Variants in GABRB1 observed in about 807,000 individuals in gnomAD.
GABRB1 encodes gamma-aminobutyric acid type A receptor subunit beta1.
A neutral mutation model predicts 51.6 loss-of-function variants in GABRB1; 17 were observed. The observed-to-expected ratio is 0.33, with a 90% confidence interval of 0.23 to 0.49. GABRB1 has a LOEUF of 0.49. Among genes scored for constraint, GABRB1 ranks in the 20% least tolerant of loss-of-function variants. The pLI is 0.99. For synonymous variants in GABRB1, 247 were observed against 218.9 expected, an observed-to-expected ratio of 1.13 and a Z score of -1.14; for missense variants, 410 against 600.6, an observed-to-expected ratio of 0.68 and a Z score of 3.32.
At chr4:47,047,295 A>G (rs1345464549) in intron 3 of GABRB1, among the ~76,000 whole-genome samples, 1 of 152,176 alleles carries the variant, frequency 6.6e-6, no homozygotes, top group Non-Finnish European at 1.5e-5. Flanking sequence ...AGTCTTGATA[A>G]TGATAACAGA....
intron 5 of GABRB1, among the ~76,000 whole-genome samples, chr4:47,377,965 G>T (rs560685830): frequency 6.6e-6 from 1 of 152,378 alleles, no homozygotes; most frequent in South Asian, 2.1e-4. Flanking sequence ...AGACTCAGGA[G>T]CCCAGCTGGC....
At chr4:47,247,172 C>T (rs892024327) in intron 4 of GABRB1, among the ~76,000 whole-genome samples, 1 of 151,974 alleles carries the variant, frequency 6.6e-6, no homozygotes, top group African/African-American at 2.4e-5. Context: ...GATTTAAGTC[C>T]TTAATCCATC....
intron 4 of GABRB1, among the ~76,000 whole-genome samples, chr4:47,217,120 A>G (rs1578008864): frequency 6.6e-6 from 1 of 151,904 alleles, no homozygotes; most frequent in Admixed American, 6.6e-5. Flanking sequence ...ACTTTAAAAC[A>G]TTGGATAATA....
At chr4:47,252,621 C>T (rs1045655965) in intron 4 of GABRB1, among the ~76,000 whole-genome samples, 6 of 146,476 alleles carry the variant, frequency 4.1e-5, no homozygotes, top group Admixed American at 2.8e-4. Context: ...GATTCTTCTG[C>T]CTCAGCCTCC....
intron 3 of GABRB1, among the ~76,000 whole-genome samples, chr4:47,141,752 T>C (rs1017989226): frequency 1.3e-5 from 2 of 151,970 alleles, no homozygotes; most frequent in African/African-American, 4.8e-5. Context: ...TAGAGATTCA[T>C]GCCACTCACT....
At chr4:47,153,879 G>A (rs1458309435) in intron 3 of GABRB1, among the ~76,000 whole-genome samples, 1 of 151,966 alleles carries the variant, frequency 6.6e-6, no homozygotes, top group Non-Finnish European at 1.5e-5. Flanking sequence ...GCACACACTA[G>A]GCTACAGCTG....
At chr4:47,371,811 T>C (rs971957476) in intron 5 of GABRB1, among the ~76,000 whole-genome samples, 1 of 152,218 alleles carries the variant, frequency 6.6e-6, no homozygotes, top group Non-Finnish European at 1.5e-5. Flanking sequence ...TAAATTTGTT[T>C]AAGTTCCTTG....
intron 4 of GABRB1, among the ~76,000 whole-genome samples, chr4:47,254,333 T>C (rs1459000093): frequency 1.3e-5 from 2 of 150,306 alleles, no homozygotes; most frequent in Non-Finnish European, 3.0e-5. Context: ...TCCTGGAATA[T>C]ACATGGTGGA....
At chr4:47,286,235 A>T (rs1723504625) in intron 4 of GABRB1, among the ~76,000 whole-genome samples, 1 of 152,190 alleles carries the variant, frequency 6.6e-6, no homozygotes, top group African/African-American at 2.4e-5. Flanking sequence ...AACATGTTAC[A>T]ACTTCCCTGA....
intron 3 of GABRB1, among the ~76,000 whole-genome samples, chr4:47,100,472 T>C (rs570866046): frequency 2.0e-5 from 3 of 152,038 alleles, no homozygotes; most frequent in African/African-American, 7.2e-5. Context: ...TTTTGATTAC[T>C]GTATATACAA....
intron 4 of GABRB1, among the ~76,000 whole-genome samples, chr4:47,221,542 T>C (rs568968855): frequency 2.0e-5 from 3 of 152,074 alleles, no homozygotes; most frequent in Admixed American, 6.6e-5. Context: ...TGAAATAATA[T>C]AGGCATACTG....
intron 4 of GABRB1, among the ~76,000 whole-genome samples, chr4:47,212,842 A>G (rs1050881241): frequency 2.6e-5 from 4 of 152,186 alleles, no homozygotes; most frequent in African/African-American, 9.7e-5. Flanking sequence ...AATATCCCCC[A>G]ACAATCCCTC....
chr4:47,166,341 T>G (rs1477853659), intron 4 of GABRB1, among the ~76,000 whole-genome samples: 1 of 152,024 alleles, frequency 6.6e-6, no homozygotes, highest in African/African-American at 2.4e-5. Flanking sequence ...CATCCACTTC[T>G]GCCACCCCTG....
chr4:47,135,828 A>G (rs1010312590), intron 3 of GABRB1, among the ~76,000 whole-genome samples: 6 of 152,152 alleles, frequency 3.9e-5, no homozygotes, highest in African/African-American at 1.4e-4. Context: ...AATAATACAG[A>G]CATATTTACT....
chr4:47,291,118 AG>A (rs1207522013), intron 4 of GABRB1, among the ~76,000 whole-genome samples: 1 of 152,184 alleles, frequency 6.6e-6, no homozygotes, highest in African/African-American at 2.4e-5. Flanking sequence ...GGACGGGCCC[AG>A]GGTCCCCCAC....
intron 5 of GABRB1, among the ~76,000 whole-genome samples, chr4:47,384,868 A>G (rs1727731943): frequency 6.6e-6 from 1 of 152,192 alleles, no homozygotes. Context: ...ATTTTTTAAA[A>G]TAAAGCAATG....
At chr4:47,369,434 TACACACACACAC>T (rs34999907) in intron 5 of GABRB1, among the ~76,000 whole-genome samples, 1 of 149,808 alleles carries the variant, frequency 6.7e-6, no homozygotes, top group Non-Finnish European at 1.5e-5. Context: ...TCTTTCTATT[TACACACACACAC>T]ACACACACAC....
At chr4:47,080,210 G>A (rs1727766467) in intron 3 of GABRB1, among the ~76,000 whole-genome samples, 1 of 151,740 alleles carries the variant, frequency 6.6e-6, no homozygotes, top group Non-Finnish European at 1.5e-5. Flanking sequence ...CTGGGATAAG[G>A]CTTTGTCAAG....
intron 3 of GABRB1, among the ~76,000 whole-genome samples, chr4:47,073,945 A>G (rs1727445504): frequency 6.6e-6 from 1 of 152,210 alleles, no homozygotes; most frequent in Admixed American, 6.6e-5. Flanking sequence ...TTAATAGAAA[A>G]GACACTGACT....
Sources: gnomAD v4.1 joint callset for allele counts (sites outside exome capture counted in the v4.1 genomes callset) on GRCh38, gnomAD v4.1.1 for gene constraint, MANE v1.5 for transcripts, NCBI Gene and HGNC (gene_info 2026-07-23, HGNC 2026-07-21) for gene names.